Variants in FHIT observed in about 807,000 individuals in gnomAD.
FHIT encodes the protein bis(5'-adenosyl)-triphosphatase.
FHIT carries 19 observed loss-of-function variants against 17.9 expected under a neutral mutation model. The observed-to-expected ratio is 1.06, with a 90% CI of 0.74 to 1.56. The LOEUF (loss-of-function observed/expected upper bound fraction) is 1.56. Ranked by LOEUF, FHIT falls within the 40% of genes most tolerant of loss-of-function variation. The probability of loss-of-function intolerance (pLI) is 0.00; values close to 1 mark genes in which losing one functional copy is unlikely to be tolerated. For synonymous variants in FHIT, 81 were observed against 69.7 expected, an observed-to-expected ratio of 1.16 and a Z score of -0.81; for missense variants, 248 against 189.2, an observed-to-expected ratio of 1.31 and a Z score of -1.82.
intron 2 of FHIT, among the ~76,000 whole-genome samples, chr3:61,066,189 C>T (rs143366457): frequency 7.7e-4 from 118 of 152,274 alleles, no homozygotes; most frequent in African/African-American, 2.2e-3. Context: ...AATTTATTCA[C>T]GGGGGTAGAT....
At chr3:60,624,211 T>G (rs1269397083) in intron 4 of FHIT, among the ~76,000 whole-genome samples, 1 of 152,124 alleles carries the variant, frequency 6.6e-6, no homozygotes, top group Non-Finnish European at 1.5e-5. Context: ...TGCAGTTCAG[T>G]GGTGCCAGAA....
intron 3 of FHIT, among the ~76,000 whole-genome samples, chr3:61,038,197 A>G (rs957737250): frequency 7.2e-5 from 11 of 152,376 alleles, no homozygotes; most frequent in East Asian, 1.9e-4. Flanking sequence ...CAGCTTCAAT[A>G]AAACAGGTTC....
At chr3:60,432,347 C>T (rs749741607) in intron 5 of FHIT, among the ~76,000 whole-genome samples, 1 of 151,988 alleles carries the variant, frequency 6.6e-6, no homozygotes, top group Non-Finnish European at 1.5e-5. Context: ...CATTCAACAT[C>T]CAATAAATGA....
chr3:59,952,294 A>G (rs1707156145), intron 7 of FHIT, among the ~76,000 whole-genome samples: 2 of 152,178 alleles, frequency 1.3e-5, no homozygotes, highest in Admixed American at 6.5e-5. Flanking sequence ...CACACTGTGC[A>G]TTAAGTTCAC....
chr3:60,481,747 C>G (rs1394665137), intron 5 of FHIT, among the ~76,000 whole-genome samples: 5 of 152,108 alleles, frequency 3.3e-5, no homozygotes, highest in Non-Finnish European at 2.9e-5. Context: ...AACAATGGCA[C>G]TATGAAGAAA....
chr3:59,804,372 T>C (rs1194019904), intron 8 of FHIT, among the ~76,000 whole-genome samples: 2 of 152,228 alleles, frequency 1.3e-5, no homozygotes, highest in African/African-American at 4.8e-5. Context: ...AGGTTTTCCC[T>C]TGAAGAAGAA....
chr3:61,113,962 G>A (rs1422176155), intron 2 of FHIT, among the ~76,000 whole-genome samples: 1 of 152,072 alleles, frequency 6.6e-6, no homozygotes, highest in Non-Finnish European at 1.5e-5. Flanking sequence ...AAATAAACAA[G>A]AGCAACTATT....
chr3:61,202,181 T>C (rs879630959), intron 1 of FHIT, among the ~76,000 whole-genome samples: 2 of 151,550 alleles, frequency 1.3e-5, no homozygotes, highest in Non-Finnish European at 1.5e-5. Flanking sequence ...CCGCCAACCA[T>C]CTGGGAAGTG....
chr3:59,948,078 T>A (rs1464059442), intron 7 of FHIT, among the ~76,000 whole-genome samples: 1 of 152,178 alleles, frequency 6.6e-6, no homozygotes, highest in Non-Finnish European at 1.5e-5. Flanking sequence ...TGTCCAGTTT[T>A]CAGCTACTAT....
intron 7 of FHIT, among the ~76,000 whole-genome samples, chr3:60,008,669 T>C (rs1467996396): frequency 6.6e-6 from 1 of 152,192 alleles, no homozygotes; most frequent in East Asian, 1.9e-4. Flanking sequence ...GAGGCAAAGA[T>C]GAAGAGAACA....
chr3:61,234,190 C>G (rs1348312109), intron 1 of FHIT, among the ~76,000 whole-genome samples: 24 of 152,040 alleles, frequency 1.6e-4, no homozygotes, highest in Non-Finnish European at 5.9e-5. Flanking sequence ...AGTGAGGATT[C>G]GAGATCCATA....
At chr3:59,996,417 T>C (rs1313076210) in intron 7 of FHIT, among the ~76,000 whole-genome samples, 1 of 152,014 alleles carries the variant, frequency 6.6e-6, no homozygotes, top group Non-Finnish European at 1.5e-5. Context: ...GTCAGGGAAA[T>C]TCAGTCTAGC....
intron 1 of FHIT, among the ~76,000 whole-genome samples, chr3:61,242,619 G>A (rs141498416): frequency 3.9e-4 from 59 of 152,202 alleles, no homozygotes; most frequent in Non-Finnish European, 7.1e-4. Context: ...ATGCAGAGCC[G>A]GCTGAACAGG....
intron 5 of FHIT, among the ~76,000 whole-genome samples, chr3:60,212,202 C>T (rs928362727): frequency 1.3e-5 from 2 of 152,072 alleles, no homozygotes; most frequent in Non-Finnish European, 1.5e-5. Flanking sequence ...TTAAGGCTCC[C>T]AGTGAAAACC....
At chr3:60,764,435 T>A (rs1699778044) in intron 4 of FHIT, among the ~76,000 whole-genome samples, 1 of 152,142 alleles carries the variant, frequency 6.6e-6, no homozygotes, top group Non-Finnish European at 1.5e-5. Context: ...GGGAGGTGGA[T>A]GAACTGCATT....
intron 4 of FHIT, among the ~76,000 whole-genome samples, chr3:60,658,947 A>G (rs2040178386): frequency 6.6e-6 from 1 of 150,690 alleles, no homozygotes; most frequent in African/African-American, 2.5e-5. Context: ...TGTAGTGGTA[A>G]TAAACTTCCT....
intron 4 of FHIT, among the ~76,000 whole-genome samples, chr3:60,547,194 A>G (rs2036395863): frequency 6.6e-6 from 1 of 152,164 alleles, no homozygotes; most frequent in South Asian, 2.1e-4. Flanking sequence ...ACCAAATATA[A>G]AGACTAGATG....
chr3:60,738,825 A>G (rs2042185078), intron 4 of FHIT, among the ~76,000 whole-genome samples: 1 of 152,198 alleles, frequency 6.6e-6, no homozygotes, highest in Non-Finnish European at 1.5e-5. Flanking sequence ...AAAGGCCCCA[A>G]CCTCAAGCCT....
At chr3:60,981,295 C>CTTTTT (rs71100934) in intron 3 of FHIT, among the ~76,000 whole-genome samples, 6 of 124,504 alleles carry the variant, frequency 4.8e-5, no homozygotes, top group Non-Finnish European at 4.9e-5. Context: ...TTCTTCCTTC[C>CTTTTT]TTTTTTTTTT....
Sources: allele counts gnomAD v4.1 joint callset (sites outside exome capture counted in the v4.1 genomes callset), GRCh38; gene constraint gnomAD v4.1.1; transcripts MANE v1.5; gene names NCBI Gene and HGNC (gene_info 2026-07-23, HGNC 2026-07-21).